Variants in ASCC3 observed in about 807,000 individuals in gnomAD.
The protein encoded by ASCC3 is activating signal cointegrator 1 complex subunit 3.
In ASCC3, 158 loss-of-function variants were observed where a neutral mutation model predicts 256.3. The observed-to-expected ratio is 0.62, with a 90% CI of 0.54 to 0.70. The LOEUF (loss-of-function observed/expected upper bound fraction) is 0.70, where lower values mean the gene tolerates loss of function less well. Among genes scored for constraint, ASCC3 ranks in the 30% least tolerant of loss-of-function variants. The pLI, the probability that ASCC3 is intolerant of heterozygous loss-of-function variation, is 0.00. For synonymous variants in ASCC3, 948 were observed against 883.4 expected (o/e 1.07, Z -1.30); for missense variants, 2,259 against 2,626.0 (o/e 0.86, Z 3.05).
At chr6:100,520,803 T>C (rs1258092961) in intron 37 of ASCC3, among the ~76,000 whole-genome samples, 1 of 152,186 alleles carries the variant, frequency 6.6e-6, no homozygotes, top group African/African-American at 2.4e-5. Flanking sequence ...GTGTAAGTAC[T>C]CTCTATGATG....
At chr6:100,835,663 G>T (rs1361337318) in intron 4 of ASCC3, among the ~76,000 whole-genome samples, 1 of 152,026 alleles carries the variant, frequency 6.6e-6, no homozygotes, top group African/African-American at 2.4e-5. Flanking sequence ...ATGCTCTTTT[G>T]ATTATTAGAG....
intron 25 of ASCC3, among the ~76,000 whole-genome samples, chr6:100,631,787 A>T (rs955858109): frequency 2.0e-5 from 3 of 152,008 alleles, no homozygotes; most frequent in African/African-American, 7.2e-5. Flanking sequence ...CCAAACCTAT[A>T]CAAAATGTAT....
At chr6:100,597,574 C>CATAG (rs2114787624) in intron 34 of ASCC3, among the ~76,000 whole-genome samples, 1 of 151,928 alleles carries the variant, frequency 6.6e-6, no homozygotes, top group African/African-American at 2.4e-5. Context: ...ACAGCTTGGG[C>CATAG]ATAGGGTTCT....
intron 13 of ASCC3, among the ~76,000 whole-genome samples, chr6:100,685,697 T>C (rs1474373592): frequency 1.3e-5 from 2 of 152,242 alleles, no homozygotes; most frequent in Non-Finnish European, 2.9e-5. Flanking sequence ...GGAATGCCAC[T>C]ACAGATATAT....
chr6:100,845,485 G>A (rs1047492150), intron 4 of ASCC3, among the ~76,000 whole-genome samples: 1 of 152,076 alleles, frequency 6.6e-6, no homozygotes, highest in Non-Finnish European at 1.5e-5. Context: ...TGGGAGAGGA[G>A]GAGAAATGCC....
Position 100,509,264 on chromosome 6 carries a change from C to T in ASCC3, c.*122G>A. The T allele has an allele frequency of 1.5e-6, 2 of 1,354,354 alleles. No individual in the cohort carries two copies. Among genetic ancestry groups the T allele is most frequent in the South Asian group, 1.2e-5 (1 of 84,288 alleles). 83.9% of individuals were successfully genotyped at this position (1,354,354 alleles called of 1,614,324 possible). The stretch of plus-strand genomic sequence containing the variant: ...TCAATACTGCAGCCACTGTCAATTT[C>T]CTGGATGGTTGAGGTTAGAAGTTGA... On this transcript the variant is annotated 3_prime_UTR_variant, in exon 42 of 42. Coordinates refer to ENST00000369162, the MANE Select transcript of ASCC3 (RefSeq NM_006828.4).
intron 10 of ASCC3, among the ~76,000 whole-genome samples, chr6:100,750,708 A>AAT: frequency 6.6e-6 from 1 of 152,152 alleles, no homozygotes; most frequent in East Asian, 1.9e-4. Flanking sequence ...AATACCTAGC[A>AAT]ATATATACTT....
intron 4 of ASCC3, among the ~76,000 whole-genome samples, chr6:100,811,054 C>G (rs950585603): frequency 6.6e-6 from 1 of 152,126 alleles, no homozygotes; most frequent in African/African-American, 2.4e-5. Flanking sequence ...GTTTACCCCC[C>G]GCCCATACTA....
intron 24 of ASCC3, among the ~76,000 whole-genome samples, chr6:100,640,477 T>C (rs1428017613): frequency 6.6e-6 from 1 of 152,194 alleles, no homozygotes; most frequent in Non-Finnish European, 1.5e-5. Flanking sequence ...AATAGGGTGA[T>C]ACATTCTTGG....
At chr6:100,661,173 A>G (rs1776175825) in intron 16 of ASCC3, among the ~76,000 whole-genome samples, 1 of 151,810 alleles carries the variant, frequency 6.6e-6, no homozygotes, top group Non-Finnish European at 1.5e-5. Flanking sequence ...GTTGAATACC[A>G]AAGCAATAAT....
Position 100,522,765 on chromosome 6 carries a change from A to T in ASCC3, c.5776-4623T>A, listed in dbSNP as rs565771314. ...TTAACCATTTAACGTAAGTTATTGAATTTAAACCATTTTTCAGATGAAGAC... is the reference window on the plus strand; with the variant it reads ...TTAACCATTTAACGTAAGTTATTGATTTTAAACCATTTTTCAGATGAAGAC... On this transcript the variant is annotated intron_variant, in intron 37 of 41. Coordinates refer to ENST00000369162, the MANE Select transcript of ASCC3 (RefSeq NM_006828.4). Among the ~76,000 whole-genome samples the T allele has an allele frequency of 3.3e-5, 5 of 151,858 alleles. No individual in the cohort carries two copies. The South Asian group carries it at 8.3e-4, about 25-fold the overall frequency.
chr6:100,611,294 T>G (rs1486639508), intron 30 of ASCC3, among the ~76,000 whole-genome samples: 1 of 152,136 alleles, frequency 6.6e-6, no homozygotes, highest in Admixed American at 6.5e-5. Context: ...TCAAATTATT[T>G]GAACATCATA....
intron 16 of ASCC3, among the ~76,000 whole-genome samples, chr6:100,658,422 C>G (rs185659622): frequency 2.0e-5 from 3 of 151,346 alleles, no homozygotes; most frequent in Admixed American, 6.6e-5. Context: ...TAAGCAAATA[C>G]TCTAATCATC....
intron 25 of ASCC3, among the ~76,000 whole-genome samples, chr6:100,632,537 T>G (rs1006870452): frequency 6.6e-6 from 1 of 151,580 alleles, no homozygotes; most frequent in Non-Finnish European, 1.5e-5. Context: ...AGAAAACCAG[T>G]CAGACGCATC....
At chr6:100,587,227 T>C (rs1771747873) in intron 36 of ASCC3, among the ~76,000 whole-genome samples, 1 of 152,054 alleles carries the variant, frequency 6.6e-6, no homozygotes, top group Non-Finnish European at 1.5e-5. Flanking sequence ...CACAATGAGA[T>C]TAATATGCAT....
Position 100,509,984 on chromosome 6 carries a change from GAATATATCCTACTCTTTTCAAAGCAAT to G in ASCC3, c.6382_6408del (p.Ile2128_Ile2136del). The stretch of plus-strand genomic sequence containing the variant: ...GAAAGGGAAGCAACATGATGATTTC[GAATATATCCTACTCTTTTCAAAGCAAT>G]AAGTTCTCTCTTATCCACTTCTCCT... On this transcript the variant is annotated inframe_deletion, in exon 41 of 42. Coordinates refer to ENST00000369162, the MANE Select transcript of ASCC3 (RefSeq NM_006828.4). 6.2e-7 allele frequency: 1 copy of G among 1,613,662 alleles called. No homozygotes were observed. Among genetic ancestry groups the G allele is most frequent in the Non-Finnish European group, 8.5e-7 (1 of 1,179,850 alleles).
At chr6:100,642,431 TG>T in intron 24 of ASCC3, 149 bp downstream of exon 24, 1 of 829,604 alleles carries the variant, frequency 1.2e-6, no homozygotes, top group Non-Finnish European at 1.9e-6. Flanking sequence ...ACAGATTAAA[TG>T]ATGAATGACA....
chr6:100,739,899 A>AT (rs1383522588), intron 10 of ASCC3, among the ~76,000 whole-genome samples: 3 of 151,832 alleles, frequency 2.0e-5, no homozygotes, highest in Non-Finnish European at 2.9e-5. Flanking sequence ...GGATTCATTG[A>AT]TTTTTTGAAG....
intron 34 of ASCC3, 80 bp downstream of exon 34, chr6:100,601,730 C>G (rs1321036696): frequency 3.4e-5 from 52 of 1,540,064 alleles, no homozygotes; most frequent in Non-Finnish European, 4.5e-5. Context: ...TTGTATGTAC[C>G]TTAATTTGGA....
Sources: gnomAD v4.1 joint callset for allele counts (sites outside exome capture counted in the v4.1 genomes callset) on GRCh38, gnomAD v4.1.1 for gene constraint, MANE v1.5 for transcripts, NCBI Gene and HGNC (gene_info 2026-07-23, HGNC 2026-07-21) for gene names.